SSBP3: variants seen among roughly 807,000 people sequenced by gnomAD.
SSBP3 encodes the protein single-stranded DNA-binding protein 3.
In SSBP3, 5 loss-of-function variants were observed where a neutral mutation model predicts 69.6. That is an observed-to-expected ratio of 0.07 (90% CI 0.04 to 0.15). SSBP3 has a LOEUF of 0.15. Ranked by LOEUF, SSBP3 falls within the 10% of genes least tolerant of loss-of-function variation. The pLI, the probability that SSBP3 is intolerant of heterozygous loss-of-function variation, is 1.00. For missense variants in SSBP3, 312 were observed against 534.0 expected (o/e 0.58, Z 4.10); for synonymous variants, 196 against 193.4 (o/e 1.01, Z -0.11).
At chr1:54,228,197 T>G in intron 17 of SSBP3, 58 bp downstream of exon 17, 5 of 1,501,842 alleles carry the variant, frequency 3.3e-6, no homozygotes, top group Non-Finnish European at 4.6e-6. Flanking sequence ...TCGCAACTTG[T>G]TAGGAAAGAG....
rs545064825 is a variant in SSBP3, at chr1:54,302,867, C to T, written c.277-21340G>A. 6.6e-5 allele frequency among the ~76,000 whole-genome samples: 10 copies of T among 152,298 alleles called. No homozygotes were observed. In the South Asian group the frequency reaches 1.5e-3, roughly 22 times the overall value. On this transcript the variant is annotated intron_variant, in intron 4 of 17. Coordinates refer to ENST00000610401, the Ensembl canonical transcript of SSBP3. ...AAGTCAGTGCGGTCAATGCAGGACT[C>T]GAACCCAGGCCCTGATGCCAGGCTC...
Position 54,369,220 on chromosome 1 carries a change from G to GC in SSBP3, c.276+32640_276+32641insG, listed in dbSNP as rs928739617. Reference sequence around the variant, plus strand: ...CATGGGAAAAAGTCCTCTTGAGTCGGGGGGGGGGCCCAAGCCAGGCTCCCT... The same window carrying GC: ...CATGGGAAAAAGTCCTCTTGAGTCGGCGGGGGGGGCCCAAGCCAGGCTCCCT... On this transcript the variant is annotated intron_variant, in intron 4 of 17. Transcript: ENST00000610401. 2.5e-4 allele frequency among the ~76,000 whole-genome samples: 38 copies of GC among 149,554 alleles called. No homozygotes were observed. The South Asian group carries it at 4.0e-3, about 16-fold the overall frequency.
rs77623241 is a variant in SSBP3, at chr1:54,244,976, G to A, written c.652-1677C>T. 5.3e-4 allele frequency among the ~76,000 whole-genome samples: 80 copies of A among 152,260 alleles called. 1 individual carries two copies. In the East Asian group the frequency reaches 0.015, roughly 28 times the overall value. ...CCAAGTGCCCTTTGAAGGTGGGGCT[G>A]TGTCTTGATGATCATATACCCCCCA... On this transcript the variant is annotated intron_variant, in intron 9 of 17. Coordinates refer to ENST00000610401, the Ensembl canonical transcript of SSBP3.
At chr1:54,359,831 C>T (rs989733771) in intron 4 of SSBP3, among the ~76,000 whole-genome samples, 3 of 152,168 alleles carry the variant, frequency 2.0e-5, no homozygotes, top group Non-Finnish European at 4.4e-5. Context: ...CCCACAGCAA[C>T]ACCACTGGCC....
At chr1:54,292,419 G>A (rs1378916288) in intron 4 of SSBP3, among the ~76,000 whole-genome samples, 3 of 152,202 alleles carry the variant, frequency 2.0e-5, no homozygotes, top group South Asian at 4.2e-4. Flanking sequence ...TGACAGGGTG[G>A]GTGAGCCCCC....
rs140978279 is a variant in SSBP3 at position 54,318,758 on chromosome 1, C to T, written c.277-37231G>A. Among the ~76,000 whole-genome samples, 38 of 152,294 alleles carry T rather than the reference C, an allele frequency of 2.5e-4. No homozygotes were observed. In the East Asian group the frequency reaches 4.8e-3, roughly 19 times the overall value. On this transcript the variant is annotated intron_variant, in intron 4 of 17. Transcript: ENST00000610401. The stretch of plus-strand genomic sequence containing the variant: ...CCTCTCCACATCCCCCACCCCAAGC[C>T]GGGAATCTTCCCCCTCCTCCCACTA...
chr1:54,268,690 C>T (rs1645143014), intron 5 of SSBP3, among the ~76,000 whole-genome samples: 1 of 152,218 alleles, frequency 6.6e-6, no homozygotes, highest in Admixed American at 6.5e-5. Flanking sequence ...CCTTTTCCTC[C>T]CTGAGGAGCT....
chr1:54,291,016 T>C (rs540610212), intron 4 of SSBP3, among the ~76,000 whole-genome samples: 1 of 152,320 alleles, frequency 6.6e-6, no homozygotes, highest in African/African-American at 2.4e-5. Flanking sequence ...TGACAGCTCC[T>C]TAACAAGAAC....
chr1:54,243,102 A>C, intron 10 of SSBP3, 133 bp downstream of exon 10: 1 of 820,336 alleles, frequency 1.2e-6, no homozygotes, highest in South Asian at 1.5e-5. Context: ...CAATATCCTC[A>C]CATTACCGAT....
At chr1:54,375,163 G>A (rs980145586) in intron 4 of SSBP3, among the ~76,000 whole-genome samples, 4 of 152,184 alleles carry the variant, frequency 2.6e-5, no homozygotes, top group Non-Finnish European at 5.9e-5. Context: ...AGGACCCCGT[G>A]GTCAGAGCCT....
intron 4 of SSBP3, among the ~76,000 whole-genome samples, chr1:54,289,785 C>T (rs146564597): frequency 1.5e-4 from 23 of 152,114 alleles, no homozygotes; most frequent in Non-Finnish European, 2.2e-4. Flanking sequence ...CCCTCTAGGA[C>T]GCCACCCGCC....
At chr1:54,285,588 A>G (rs1645474112) in intron 4 of SSBP3, 1 of 152,164 alleles carries the variant, frequency 6.6e-6, no homozygotes, top group Non-Finnish European at 1.5e-5. Context: ...TACTACGTGT[A>G]TAATTCAGAG....
At chr1:54,394,695 C>CTTTTTTTTT (rs544898836) in intron 4 of SSBP3, among the ~76,000 whole-genome samples, 3 of 97,130 alleles carry the variant, frequency 3.1e-5, no homozygotes, top group African/African-American at 9.1e-5. Context: ...CTTAAGACTC[C>CTTTTTTTTT]TTTTTTTTTT....
At chr1:54,231,122 T>C (rs1236925633) in intron 14 of SSBP3, among the ~76,000 whole-genome samples, 4 of 152,228 alleles carry the variant, frequency 2.6e-5, no homozygotes, top group African/African-American at 9.6e-5. Flanking sequence ...AACGTCAAAC[T>C]GTTTAACAAA....
chr1:54,377,782 A>T (rs553540969), intron 4 of SSBP3, among the ~76,000 whole-genome samples: 9 of 152,290 alleles, frequency 5.9e-5, no homozygotes, highest in African/African-American at 2.2e-4. Flanking sequence ...GAAGATAAAA[A>T]CTGGCTTTGA....
rs554079398 is a variant in SSBP3, at chr1:54,323,058, C to T, written c.277-41531G>A. Among the ~76,000 whole-genome samples the T allele has an allele frequency of 9.0e-4, 137 of 152,320 alleles. 2 individuals carry two copies. The highest frequency in any genetic ancestry group is 1.0e-3 in the Admixed American group (16 of 15,306). ...CCAAACTTCCAGAACAAAGACAAGG[C>T]AGAAGAACCTTTTTGAGTTATTTGG... On this transcript the variant is annotated intron_variant, in intron 4 of 17. Coordinates refer to ENST00000610401, the Ensembl canonical transcript of SSBP3.
chr1:54,352,151 A>C (rs575149502), intron 4 of SSBP3, among the ~76,000 whole-genome samples: 27 of 149,564 alleles, frequency 1.8e-4, no homozygotes, highest in African/African-American at 4.9e-4. Context: ...CAACAACAAC[A>C]ACCAAACCCC....
chr1:54,228,294 C>T, exon 17 of SSBP3: 1 of 1,614,082 alleles, frequency 6.2e-7, no homozygotes, highest in Non-Finnish European at 8.5e-7. Context: ...TCCCTCCTAG[C>T]TCGCCGTCAT....
chr1:54,315,562 C>T (rs573215542), intron 4 of SSBP3, among the ~76,000 whole-genome samples: 10 of 150,452 alleles, frequency 6.6e-5, no homozygotes, highest in Non-Finnish European at 1.2e-4. Flanking sequence ...TTATCTATTG[C>T]TAGCCTCAGT....
Sources: gnomAD v4.1 joint callset for allele counts (sites outside exome capture counted in the v4.1 genomes callset) on GRCh38, gnomAD v4.1.1 for gene constraint, MANE v1.5 for transcripts, NCBI Gene and HGNC (gene_info 2026-07-23, HGNC 2026-07-21) for gene names.